The following LSM11 variants were observed in gnomAD, a reference collection of about 807,000 sequenced individuals.
LSM11 encodes LSM11, U7 small nuclear RNA associated, also known as U7 snRNA-associated Sm-like protein LSm11.
LSM11 carries 14 observed loss-of-function variants against 28.1 expected under a neutral mutation model. That is an observed-to-expected ratio of 0.50 (90% CI 0.33 to 0.78). The LOEUF is 0.78. LSM11 is among the 30% of genes least tolerant of loss of function. LSM11 has a pLI of 0.02. For synonymous variants in LSM11, 207 were observed against 214.2 expected (o/e 0.97, Z 0.30); for missense variants, 495 against 510.6 (o/e 0.97, Z 0.30).
chr5:157,753,057 G>A (rs1359667544), intron 2 of LSM11, among the ~76,000 whole-genome samples: 1 of 152,004 alleles, frequency 6.6e-6, no homozygotes, highest in Non-Finnish European at 1.5e-5. Flanking sequence ...ATGAGTTGTG[G>A]GTACTATTAC....
At position 157,751,433 on chromosome 5, in the gene LSM11, T is replaced by G; in HGVS notation, c.492T>G (p.Arg164=). 6.2e-7 allele frequency: 1 copy of G among 1,611,700 alleles called. No individual in the cohort carries two copies. Among genetic ancestry groups the G allele is most frequent in the East Asian group, 2.2e-5 (1 of 44,800 alleles). The change falls in exon 2 of 4, where the codon CGT becomes CGG. Residue 164 remains arginine, a synonymous_variant. Coordinates refer to ENST00000286307, the MANE Select transcript of LSM11 (RefSeq NM_173491.4). Reference sequence around the variant, plus strand: ...TGGGTGAACTCCATCGCTGTATCCGTGAGGGGGTGAAGGTGAATGTTCACA... The same window carrying G: ...TGGGTGAACTCCATCGCTGTATCCGGGAGGGGGTGAAGGTGAATGTTCACA... ...SPLGELHRCI[R]EGVKVNVHIR...
In LSM11 at chr5:157,743,716, C is replaced by T. The variant is rs1030942020; in HGVS notation, c.-35C>T. ...CCGCCCTCTGGCGGCTTCGTTCCTT[C>T]TTCCCATCGGCCTCGGCTTGCGGGC... On this transcript the variant is annotated 5_prime_UTR_variant, in exon 1 of 4. Transcript: ENST00000286307. The T allele has an allele frequency of 5.4e-6, 7 of 1,301,994 alleles. No homozygotes were observed. The highest frequency in any genetic ancestry group is 3.9e-5 in the Admixed American group (1 of 25,852). 80.7% of individuals were successfully genotyped at this position (1,301,994 alleles called of 1,614,324 possible).
chr5:157,754,203 C>T (rs1005297051), intron 3 of LSM11, 116 bp downstream of exon 3: 2 of 609,814 alleles, frequency 3.3e-6, no homozygotes, highest in Non-Finnish European at 2.7e-6. Flanking sequence ...TGCTATAAAC[C>T]AGCTGTGCCT....
At position 157,743,963 on chromosome 5, in the gene LSM11, G is replaced by GCGCGGGCGCGGGCGGGCTCGGGGCGCGGC. The variant is rs1761103562; in HGVS notation, c.221_249dup (p.Ser84AlafsTer94). The GCGCGGGCGCGGGCGGGCTCGGGGCGCGGC allele has an allele frequency of 7.7e-7, 1 of 1,293,184 alleles. No individual in the cohort carries two copies. Among genetic ancestry groups the GCGCGGGCGCGGGCGGGCTCGGGGCGCGGC allele is most frequent in the Non-Finnish European group, 9.8e-7 (1 of 1,019,398 alleles). The allele number at this position is 1,293,184 out of a possible 1,614,324, so 80.1% of individuals were successfully genotyped here. ...TCAGGACCGGAGTCCGGGGCGGCGG[G>GCGCGGGCGCGGGCGGGCTCGGGGCGCGGC]CGCGGGCGCGGGCGGGCTCGGGGCG... On this transcript the variant is annotated frameshift_variant, in exon 1 of 4. Coordinates refer to ENST00000286307, the MANE Select transcript of LSM11 (RefSeq NM_173491.4). LOFTEE classifies it high-confidence loss of function.
At chr5:157,750,314 G>C (rs1761211596) in intron 1 of LSM11, among the ~76,000 whole-genome samples, 1 of 152,184 alleles carries the variant, frequency 6.6e-6, no homozygotes, top group Non-Finnish European at 1.5e-5. Context: ...CATATTGTGA[G>C]AGCTGAGTTA....
chr5:157,752,455 T>C (rs1033070521), intron 2 of LSM11, among the ~76,000 whole-genome samples: 1 of 151,314 alleles, frequency 6.6e-6, no homozygotes, highest in Admixed American at 6.6e-5. Context: ...AATGAGGGAG[T>C]GTGCCACACT....
chr5:157,744,066 G>C lies in LSM11; in HGVS notation c.316G>C (p.Asp106His). 1 of 1,469,224 alleles carries C rather than the reference G, an allele frequency of 6.8e-7. No individual in the cohort carries two copies. Among genetic ancestry groups the C allele is most frequent in the Non-Finnish European group, 9.0e-7 (1 of 1,114,080 alleles). The allele number at this position is 1,469,224 out of a possible 1,614,324, so 91.0% of individuals were successfully genotyped here. Reference sequence around the variant, plus strand: ...TCGCCGCCCGGACGCGCCCGCCCCGGACCCCGAGCGCATCCAGCGCCTCCG... The same window carrying C: ...TCGCCGCCCGGACGCGCCCGCCCCGCACCCCGAGCGCATCCAGCGCCTCCG... ...TRRRPDAPAP[D>H]PERIQRLRRL... is the part of the protein sequence containing the mutation. Residue 106 changes from aspartate to histidine, a missense_variant, in exon 1 of 4, where the codon GAC becomes CAC. Physicochemically the swap from Asp to His is moderately conservative, Grantham distance 81 (BLOSUM62 -1). Transcript: ENST00000286307.
chr5:157,746,727 TGGTG>T, intron 1 of LSM11, among the ~76,000 whole-genome samples: 1 of 152,108 alleles, frequency 6.6e-6, no homozygotes, highest in East Asian at 1.9e-4. Flanking sequence ...CTGGCCAACG[TGGTG>T]AAACCCTGTC....
rs1006377787 is a variant in LSM11 at position 157,756,557 on chromosome 5, G to A, written c.*1293G>A. On this transcript the variant is annotated 3_prime_UTR_variant, in exon 4 of 4. Transcript: ENST00000286307. ...TATGAAAAGAAAACTTTCCCCTGCT[G>A]TATTTGTTGTGTAACATAAATAAGC... 7 of 152,574 alleles carry A rather than the reference G, an allele frequency of 4.6e-5. No individual in the cohort carries two copies. Among genetic ancestry groups the A allele is most frequent in the Admixed American group, 3.9e-4 (6 of 15,258 alleles). 9.5% of individuals were successfully genotyped at this position (152,574 alleles called of 1,614,324 possible). A position where few individuals can be genotyped will look rare whatever the true frequency, so the allele number is the denominator to read the frequency against.
In LSM11 at chr5:157,751,445, G is replaced by A. The variant is rs766590744; in HGVS notation, c.504G>A (p.Lys168=). The A allele has an allele frequency of 7.4e-6, 12 of 1,612,456 alleles. No individual in the cohort carries two copies. Among genetic ancestry groups the A allele is most frequent in the Non-Finnish European group, 1.0e-5 (12 of 1,179,424 alleles). ...ELHRCIREGV[K]VNVHIRTFKG... ...ATCGCTGTATCCGTGAGGGGGTGAA[G>A]GTGAATGTTCACATCCGCACTTTCA... The change falls in exon 2 of 4, where the codon AAG becomes AAA. Residue 168 remains lysine, a synonymous_variant. Transcript: ENST00000286307.
rs374302780 is a variant in LSM11, at chr5:157,755,227, G to A, written c.1046G>A (p.Arg349Gln). 9 of 1,614,056 alleles carry A rather than the reference G, an allele frequency of 5.6e-6. No individual in the cohort carries two copies. Among genetic ancestry groups the A allele is most frequent in the African/African-American group, 1.3e-5 (1 of 74,936 alleles). The change falls in exon 4 of 4, where the codon CGA (arginine) becomes CAA (glutamine). Residue 349 changes from arginine (R) to glutamine (Q), a missense_variant. Transcript: ENST00000286307. Reference sequence around the variant, plus strand: ...CGACACATAAATCAGATTTTCATTCGAGGCGAGAATGTCCTGCTGGTTCAT... The same window carrying A: ...CGACACATAAATCAGATTTTCATTCAAGGCGAGAATGTCCTGCTGGTTCAT... ...FTRHINQIFI[R>Q]GENVLLVHLA...
chr5:157,745,299 T>G (rs1334515148), intron 1 of LSM11, among the ~76,000 whole-genome samples: 1 of 152,234 alleles, frequency 6.6e-6, no homozygotes, highest in Non-Finnish European at 1.5e-5. Context: ...GGGACTGTTT[T>G]GCTTCATTCC....
At chr5:157,752,355 C>T (rs1015102178) in intron 2 of LSM11, among the ~76,000 whole-genome samples, 2 of 151,138 alleles carry the variant, frequency 1.3e-5, no homozygotes, top group Non-Finnish European at 3.0e-5. Context: ...GTCTTGAACT[C>T]CAGACCTCAG....
rs527585446 is a variant in LSM11, at chr5:157,760,067, G to A, written c.*4803G>A. 6.6e-6 allele frequency: 1 copy of A among 152,320 alleles called. No individual in the cohort carries two copies. The highest frequency in any genetic ancestry group is 2.1e-4 in the South Asian group (1 of 4,830). 9.4% of individuals were successfully genotyped at this position (152,320 alleles called of 1,614,324 possible). A position where few individuals can be genotyped will look rare whatever the true frequency, so the allele number is the denominator to read the frequency against. ...ATTTATTTAGAATAAAAAATAGTTT[G>A]ATAACCTACCAGAGTTAGTGCTTCT... is the stretch of plus-strand genomic sequence containing the variant. On this transcript the variant is annotated 3_prime_UTR_variant, in exon 4 of 4. Coordinates refer to ENST00000286307, the MANE Select transcript of LSM11 (RefSeq NM_173491.4).
Position 157,744,197 on chromosome 5 carries a change from C to G in LSM11, c.447C>G (p.Pro149=). 2.3e-6 allele frequency: 3 copies of G among 1,282,468 alleles called. No individual in the cohort carries two copies. The highest frequency in any genetic ancestry group is 3.1e-5 in the East Asian group (1 of 32,190). The allele number at this position is 1,282,468 out of a possible 1,614,324, so 79.4% of individuals were successfully genotyped here. ...KAPRNVLTRM[P]LHEGSPLGEL... is the part of the protein sequence containing the mutation. ...CACGCAACGTGCTCACGCGAATGCC[C>G]TGTGAGTCCGCGGGCCGGGCGGGAA... is the stretch of plus-strand genomic sequence containing the variant. Residue 149 remains proline (P), a splice_region_variant and synonymous_variant, in exon 1 of 4, where the codon CCC becomes CCG. Coordinates refer to ENST00000286307, the MANE Select transcript of LSM11 (RefSeq NM_173491.4).
At chr5:157,744,695 A>G (rs547861128) in intron 1 of LSM11, among the ~76,000 whole-genome samples, 7 of 152,234 alleles carry the variant, frequency 4.6e-5, no homozygotes, top group Admixed American at 3.9e-4. Context: ...CGCACAGCCA[A>G]TATTAGGGGA....
intron 3 of LSM11, among the ~76,000 whole-genome samples, chr5:157,754,348 A>G (rs1761286343): frequency 6.6e-6 from 1 of 152,186 alleles, no homozygotes; most frequent in African/African-American, 2.4e-5. Context: ...TTTATACCAC[A>G]GAAATAAGCC....
chr5:157,755,790 A>C lies in LSM11; in HGVS notation c.*526A>C. 1 of 401,696 alleles carries C rather than the reference A, an allele frequency of 2.5e-6. No individual in the cohort carries two copies. Among genetic ancestry groups the C allele is most frequent in the Non-Finnish European group, 4.4e-6 (1 of 228,004 alleles). 24.9% of individuals were successfully genotyped at this position (401,696 alleles called of 1,614,324 possible). A position where few individuals can be genotyped will look rare whatever the true frequency, so the allele number is the denominator to read the frequency against. ...AAGAAATGACATATATTATCTTTGAATATCTACAAGGAAAGTTACCAACTT... is the reference window on the plus strand; with the variant it reads ...AAGAAATGACATATATTATCTTTGACTATCTACAAGGAAAGTTACCAACTT... On this transcript the variant is annotated 3_prime_UTR_variant, in exon 4 of 4. Transcript: ENST00000286307.
Position 157,759,629 on chromosome 5 carries a change from C to T in LSM11, c.*4365C>T, listed in dbSNP as rs990252697. ...TCGTGGTGTAAATATAATGGTTTCA[C>T]AGCTGTTTGAATTTTTCTTTTCCTG... On this transcript the variant is annotated 3_prime_UTR_variant, in exon 4 of 4. Transcript: ENST00000286307. The T allele has an allele frequency of 6.6e-6, 1 of 152,188 alleles. No homozygotes were observed. Among genetic ancestry groups the T allele is most frequent in the African/African-American group, 2.4e-5 (1 of 41,430 alleles). The allele number at this position is 152,188 out of a possible 1,614,324, so 9.4% of individuals were successfully genotyped here.
Sources: gnomAD v4.1 joint callset for allele counts (sites outside exome capture counted in the v4.1 genomes callset) on GRCh38, gnomAD v4.1.1 for gene constraint, MANE v1.5 for transcripts, NCBI Gene and HGNC (gene_info 2026-07-23, HGNC 2026-07-21) for gene names.